FANCM: variants seen among roughly 807,000 people sequenced by gnomAD.
FANCM encodes the protein Fanconi anemia group M protein.
In FANCM, 140 loss-of-function variants were observed where a neutral mutation model predicts 199.5. The ratio of observed to expected loss-of-function variants is 0.70; its 90% CI spans 0.61 to 0.81. The LOEUF (loss-of-function observed/expected upper bound fraction) is 0.81, where lower values mean the gene tolerates loss of function less well. Ranked by LOEUF, FANCM falls within the 30% of genes least tolerant of loss-of-function variation. FANCM has a pLI of 0.00. For synonymous variants in FANCM, 840 were observed against 836.8 expected, an observed-to-expected ratio of 1.00 and a Z score of -0.07; for missense variants, 2,410 against 2,421.4, an observed-to-expected ratio of 1.00 and a Z score of 0.10.
chr14:45,155,655 C>T (rs1887133343), intron 8 of FANCM, among the ~76,000 whole-genome samples, 196 bp downstream of exon 8: 1 of 152,070 alleles, frequency 6.6e-6, no homozygotes, highest in East Asian at 1.9e-4. Context: ...AAAAATTAGC[C>T]AGGCATGGTG....
At position 45,196,282 on chromosome 14, in the gene FANCM, A is replaced by C; in HGVS notation, c.5451A>C (p.Gly1817=). ...TSLRLPQEGK[G]TCILVGGHEI... Reference sequence around the variant, plus strand: ...TTAGACTTCCGCAGGAAGGAAAAGGAACCTGTATTCTTGTAGGTGGTCATG... The same window carrying C: ...TTAGACTTCCGCAGGAAGGAAAAGGCACCTGTATTCTTGTAGGTGGTCATG... The change falls in exon 21 of 23, where the codon GGA becomes GGC. Residue 1817 remains glycine (G), a synonymous_variant. Coordinates refer to ENST00000267430, the MANE Select transcript of FANCM (RefSeq NM_020937.4). 6 of 1,614,090 alleles carry C rather than the reference A, an allele frequency of 3.7e-6. No individual in the cohort carries two copies. The highest frequency in any genetic ancestry group is 5.1e-6 in the Non-Finnish European group (6 of 1,179,988).
intron 20 of FANCM, among the ~76,000 whole-genome samples, chr14:45,192,568 G>A (rs925358596): frequency 6.6e-6 from 1 of 152,164 alleles, no homozygotes; most frequent in Non-Finnish European, 1.5e-5. Flanking sequence ...GCTTGAAGCT[G>A]GGAGAGAGAG....
chr14:45,171,724 C>T (rs981609936), intron 12 of FANCM, among the ~76,000 whole-genome samples: 11 of 126,854 alleles, frequency 8.7e-5, no homozygotes, highest in African/African-American at 3.0e-4. Context: ...TGTGTGTGTG[C>T]ATGTGTGTCA....
chr14:45,146,989 A>G (rs1298393262), intron 3 of FANCM, among the ~76,000 whole-genome samples: 1 of 152,172 alleles, frequency 6.6e-6, no homozygotes, highest in African/African-American at 2.4e-5. Context: ...TTTCAGCGCC[A>G]GTAAAATATC....
intron 21 of FANCM, 90 bp downstream of exon 21, chr14:45,196,637 ACT>A: frequency 7.7e-7 from 1 of 1,303,932 alleles, no homozygotes. Flanking sequence ...GATGTGGGAA[ACT>A]CTTAAAATAT....
rs376139077 is a variant in FANCM at position 45,181,721 on chromosome 14, G to T, written c.4386+16G>T. On this transcript the variant is annotated intron_variant, in intron 16 of 22. Transcript: ENST00000267430. ...TATAAACAGAGTAAGTAAATACCAG[G>T]TAATGTATAGTAATCCAAATTCCTT... 1.3e-6 allele frequency: 2 copies of T among 1,483,120 alleles called. No homozygotes were observed. The highest frequency in any genetic ancestry group is 1.9e-6 in the Non-Finnish European group (2 of 1,063,286). 91.9% of individuals were successfully genotyped at this position (1,483,120 alleles called of 1,614,324 possible).
chr14:45,183,882 A>G lies in FANCM; in HGVS notation c.4495A>G (p.Lys1499Glu), dbSNP rs767255248. 1 of 1,611,336 alleles carries G rather than the reference A, an allele frequency of 6.2e-7. No individual in the cohort carries two copies. Among genetic ancestry groups the G allele is most frequent in the Non-Finnish European group, 8.5e-7 (1 of 1,177,812 alleles). ...GNARRGIKVP[K>E]RQSHLKHVAR... ...TGCCAGAAGAGGCATCAAAGTCCCAAAGAGACAGAGTCACTTAAAGGTAAT... is the reference window on the plus strand; with the variant it reads ...TGCCAGAAGAGGCATCAAAGTCCCAGAGAGACAGAGTCACTTAAAGGTAAT... Residue 1499 changes from lysine (K) to glutamate (E), a missense_variant, in exon 17 of 23, where the codon AAG (lysine) becomes GAG (glutamate). Physicochemically the swap from Lys to Glu is moderately conservative, Grantham distance 56 (BLOSUM62 1). Transcript: ENST00000267430.
At chr14:45,169,986 C>G (rs1888236232) in intron 11 of FANCM, among the ~76,000 whole-genome samples, 1 of 152,126 alleles carries the variant, frequency 6.6e-6, no homozygotes, top group Non-Finnish European at 1.5e-5. Flanking sequence ...AACACCCCCA[C>G]CAAGCTTCAG....
In FANCM at chr14:45,189,313, C is replaced by T. The variant is rs1889619711; in HGVS notation, c.5291C>T (p.Thr1764Ile). Residue 1764 changes from threonine to isoleucine, a missense_variant, in exon 20 of 23, where the codon ACT becomes ATT. Coordinates refer to ENST00000267430, the MANE Select transcript of FANCM (RefSeq NM_020937.4). ...NEVQSTTPPF[T>I]TVDSQKDCRK... is the part of the protein sequence containing the mutation. ...GTCCAGTCTACCACACCACCCTTCA[C>T]TACTGTTGATTCACAGAAAGACTGT... 6 of 1,613,918 alleles carry T rather than the reference C, an allele frequency of 3.7e-6. No individual in the cohort carries two copies. Among genetic ancestry groups the T allele is most frequent in the Non-Finnish European group, 4.2e-6 (5 of 1,179,800 alleles).
Position 45,173,120 on chromosome 14 carries a change from TCCTTTG to T in FANCM, c.2230_2235del (p.Leu744_Pro745del). On this transcript the variant is annotated inframe_deletion, in exon 13 of 23. Transcript: ENST00000267430. ...CTGAATGGAGACTGTGGCAAGATCATCCTTTGCCTACACATCAAGTTGATCACTCAG... is the reference window on the plus strand; with the variant it reads ...CTGAATGGAGACTGTGGCAAGATCATCCTACACATCAAGTTGATCACTCAG... 1 of 1,610,776 alleles carries T rather than the reference TCCTTTG, an allele frequency of 6.2e-7. No homozygotes were observed. The highest frequency in any genetic ancestry group is 8.5e-7 in the Non-Finnish European group (1 of 1,176,988).
intron 2 of FANCM, among the ~76,000 whole-genome samples, chr14:45,139,512 G>A (rs536510664): frequency 6.6e-6 from 1 of 152,212 alleles, no homozygotes; most frequent in South Asian, 2.1e-4. Flanking sequence ...GTGGTATATG[G>A]GAATCTGGCA....
At chr14:45,137,401 C>G (rs1885601055) in intron 2 of FANCM, 160 bp downstream of exon 2, 3 of 641,968 alleles carry the variant, frequency 4.7e-6, no homozygotes, top group African/African-American at 1.8e-5. Context: ...TCTGTACTTT[C>G]TGTCATCCAT....
At chr14:45,184,436 TG>T (rs1889259182) in intron 17 of FANCM, among the ~76,000 whole-genome samples, 1 of 151,930 alleles carries the variant, frequency 6.6e-6, no homozygotes, top group Non-Finnish European at 1.5e-5. Flanking sequence ...CTGAGCCAGG[TG>T]GATCACCTGA....
chr14:45,183,722 C>T, intron 16 of FANCM, 52 bp from the exon 17 acceptor site: 1 of 1,367,136 alleles, frequency 7.3e-7, no homozygotes, highest in Non-Finnish European at 1.0e-6. Flanking sequence ...TTTTACTTGT[C>T]TAGGAAGAAA....
At chr14:45,143,382 G>A (rs1409946991) in intron 3 of FANCM, among the ~76,000 whole-genome samples, 1 of 151,942 alleles carries the variant, frequency 6.6e-6, no homozygotes, top group Admixed American at 6.5e-5. Flanking sequence ...GCCCAGGCTG[G>A]TCTAGAACTA....
chr14:45,196,096 C>A (rs1890039046), intron 20 of FANCM, 76 bp from the exon 21 acceptor site: 5 of 1,467,194 alleles, frequency 3.4e-6, no homozygotes, highest in Non-Finnish European at 4.8e-6. Flanking sequence ...TAAGGATAAT[C>A]AACTTCGGGT....
chr14:45,161,695 T>C (rs769473724), intron 9 of FANCM, among the ~76,000 whole-genome samples: 3 of 151,968 alleles, frequency 2.0e-5, no homozygotes, highest in Non-Finnish European at 4.4e-5. Flanking sequence ...GGGAGGATGC[T>C]TGAGCCCAGA....
At position 45,167,041 on chromosome 14, in the gene FANCM, G is replaced by A. The variant is rs777379515; in HGVS notation, c.1880G>A (p.Arg627Gln). ...QVLHFYQRSP[R>Q]MVPDGINPKL... ...CTTCATTTTTACCAAAGAAGTCCAC[G>A]AATGGTTCCTGATGGAATCAACCCA... Residue 627 changes from arginine to glutamine, a missense_variant, in exon 11 of 23, where the codon CGA becomes CAA. Transcript: ENST00000267430. 12 of 1,611,942 alleles carry A rather than the reference G, an allele frequency of 7.4e-6. No individual in the cohort carries two copies. The highest frequency in any genetic ancestry group is 1.0e-5 in the Non-Finnish European group (12 of 1,178,062).
intron 9 of FANCM, among the ~76,000 whole-genome samples, chr14:45,160,890 T>G (rs532561141): frequency 3.9e-5 from 6 of 152,268 alleles, no homozygotes; most frequent in Middle Eastern, 3.4e-3. Flanking sequence ...AGCGTCTGTT[T>G]AAGCTGACTG....
Sources: gnomAD v4.1 joint callset for allele counts (sites outside exome capture counted in the v4.1 genomes callset) on GRCh38, gnomAD v4.1.1 for gene constraint, MANE v1.5 for transcripts, NCBI Gene and HGNC (gene_info 2026-07-23, HGNC 2026-07-21) for gene names.